CLVS1: variants seen among roughly 807,000 people sequenced by gnomAD.
CLVS1 encodes the protein clavesin 1, also known as clavesin-1.
A neutral mutation model predicts 33.1 loss-of-function variants in CLVS1; 10 were observed. The observed-to-expected ratio is 0.30, with a 90% confidence interval of 0.19 to 0.51. CLVS1 has a LOEUF of 0.51. Ranked by LOEUF, CLVS1 falls within the 20% of genes least tolerant of loss-of-function variation. The pLI, the probability that CLVS1 is intolerant of heterozygous loss-of-function variation, is 0.97. For synonymous variants in CLVS1, 163 were observed against 166.1 expected, an observed-to-expected ratio of 0.98 and a Z score of 0.14; for missense variants, 343 against 433.4, an observed-to-expected ratio of 0.79 and a Z score of 1.85.
chr8:61,034,232 C>A, the CLVS1 span, among the ~76,000 whole-genome samples: 1 of 152,054 alleles, frequency 6.6e-6, no homozygotes, highest in Non-Finnish European at 1.5e-5. Flanking sequence ...TATTTCATTT[C>A]ATTTATTTAT....
At chr8:61,220,731 A>G (rs1007948089) in intron 2 of CLVS1, among the ~76,000 whole-genome samples, 9 of 151,846 alleles carry the variant, frequency 5.9e-5, no homozygotes, top group African/African-American at 1.9e-4. Context: ...ATAGAATTGG[A>G]TCTGTAAATT....
At chr8:61,411,842 G>T (rs1305420588) in intron 3 of CLVS1, among the ~76,000 whole-genome samples, 3 of 152,182 alleles carry the variant, frequency 2.0e-5, no homozygotes, top group Non-Finnish European at 4.4e-5. Context: ...AGTGGCCTGG[G>T]CATTTGGATC....
intron 2 of CLVS1, among the ~76,000 whole-genome samples, chr8:61,253,341 G>C (rs1167253876): frequency 1.3e-5 from 2 of 152,238 alleles, no homozygotes; most frequent in African/African-American, 4.8e-5. Flanking sequence ...TTTCTCTCTG[G>C]CTGCCTTTAA....
chr8:61,159,593 A>G (rs1384257209), intron 2 of CLVS1, among the ~76,000 whole-genome samples: 1 of 152,206 alleles, frequency 6.6e-6, no homozygotes, highest in Non-Finnish European at 1.5e-5. Flanking sequence ...CTCCTGAGCT[A>G]TCTAGTCCAT....
chr8:61,186,193 G>A (rs1775428955), intron 2 of CLVS1, among the ~76,000 whole-genome samples: 1 of 152,194 alleles, frequency 6.6e-6, no homozygotes, highest in Admixed American at 6.5e-5. Flanking sequence ...TACCATAAAT[G>A]TGCTTGGAAT....
At chr8:61,480,348 G>T (rs1818138287) in intron 5 of CLVS1, among the ~76,000 whole-genome samples, 1 of 152,180 alleles carries the variant, frequency 6.6e-6, no homozygotes, top group Admixed American at 6.5e-5. Context: ...TGCTAGCAAT[G>T]AGCAAGGCTC....
chr8:61,035,884 A>C, the CLVS1 span, among the ~76,000 whole-genome samples: 1 of 152,210 alleles, frequency 6.6e-6, no homozygotes, highest in African/African-American at 2.4e-5. Context: ...CATAATAAAA[A>C]CATATTTATC....
At chr8:61,451,812 C>CACACAGAGAGAGAGAGAG (rs375319471) in intron 3 of CLVS1, among the ~76,000 whole-genome samples, 9 of 142,850 alleles carry the variant, frequency 6.3e-5, no homozygotes, top group African/African-American at 2.1e-4. Context: ...CACACACACA[C>CACACAGAGAGAGAGAGAG]AGAGAGAGAG....
chr8:61,476,150 A>T (rs1012746532), intron 5 of CLVS1, among the ~76,000 whole-genome samples: 2 of 151,968 alleles, frequency 1.3e-5, no homozygotes, highest in African/African-American at 2.4e-5. Flanking sequence ...TGTTCCATTG[A>T]TCTATATCTC....
intron 5 of CLVS1, among the ~76,000 whole-genome samples, chr8:61,459,389 G>A (rs142423298): frequency 2.7e-4 from 41 of 152,166 alleles, no homozygotes; most frequent in African/African-American, 8.4e-4. Context: ...GGTACAGGTG[G>A]TATTCAGTTA....
At chr8:61,316,841 G>A (rs1811026920) in intron 2 of CLVS1, among the ~76,000 whole-genome samples, 1 of 152,048 alleles carries the variant, frequency 6.6e-6, no homozygotes, top group Non-Finnish European at 1.5e-5. Flanking sequence ...CTTGAGCCTA[G>A]ACAAGTTAAT....
intron 4 of CLVS1, among the ~76,000 whole-genome samples, chr8:61,457,680 T>C (rs1178071240): frequency 6.6e-6 from 1 of 152,114 alleles, no homozygotes; most frequent in Non-Finnish European, 1.5e-5. Context: ...CTAAGAAGCA[T>C]TTTAAAGGAG....
intron 5 of CLVS1, among the ~76,000 whole-genome samples, chr8:61,461,834 C>A (rs1482469419): frequency 6.6e-6 from 1 of 152,146 alleles, no homozygotes; most frequent in Non-Finnish European, 1.5e-5. Context: ...ATACTCCCAG[C>A]TGTCTATGAG....
intron 5 of CLVS1, among the ~76,000 whole-genome samples, chr8:61,498,916 A>G (rs1053420303): frequency 8.5e-5 from 13 of 152,206 alleles, no homozygotes; most frequent in Non-Finnish European, 1.9e-4. Context: ...TCTGAGAGAC[A>G]AAAGGTTTAA....
chr8:61,116,377 A>G (rs894812768), intron 1 of CLVS1, among the ~76,000 whole-genome samples: 3 of 152,188 alleles, frequency 2.0e-5, no homozygotes, highest in African/African-American at 7.2e-5. Context: ...TAGTTTAATT[A>G]GATCCCATTT....
intron 1 of CLVS1, among the ~76,000 whole-genome samples, chr8:61,122,591 C>G (rs1805895312): frequency 6.7e-6 from 1 of 150,186 alleles, no homozygotes; most frequent in Non-Finnish European, 1.5e-5. Context: ...CACACACACA[C>G]ACACACACAC....
At chr8:61,425,103 G>A (rs907841088) in intron 3 of CLVS1, among the ~76,000 whole-genome samples, 14 of 152,076 alleles carry the variant, frequency 9.2e-5, no homozygotes, top group Non-Finnish European at 1.5e-4. Context: ...AGGAATACTC[G>A]ACCTGTACTA....
At chr8:61,263,702 T>C (rs767708562) in intron 2 of CLVS1, among the ~76,000 whole-genome samples, 10 of 152,146 alleles carry the variant, frequency 6.6e-5, no homozygotes, top group Non-Finnish European at 1.2e-4. Context: ...ATCATAGGAA[T>C]TGGTATCACA....
intron 2 of CLVS1, among the ~76,000 whole-genome samples, chr8:61,375,247 A>ATTT (rs34479292): frequency 3.0e-5 from 4 of 133,430 alleles, no homozygotes; most frequent in African/African-American, 1.1e-4. Context: ...AGTGGCTTGC[A>ATTT]TTTTTTTTTT....
Sources: gnomAD v4.1 joint callset for allele counts (sites outside exome capture counted in the v4.1 genomes callset) on GRCh38, gnomAD v4.1.1 for gene constraint, MANE v1.5 for transcripts, NCBI Gene and HGNC (gene_info 2026-07-23, HGNC 2026-07-21) for gene names.